Variants in ASPRV1 observed in about 807,000 individuals in gnomAD.
ASPRV1 encodes the protein aspartic peptidase retroviral like 1, also known as retroviral-like aspartic protease 1.
ASPRV1 carries 7 observed loss-of-function variants against 11.0 expected under a neutral mutation model. The ratio of observed to expected loss-of-function variants is 0.64; its 90% confidence interval spans 0.36 to 1.20. The LOEUF is 1.20. Ranked by LOEUF, ASPRV1 falls within the 50% of genes most tolerant of loss-of-function variation. The probability of loss-of-function intolerance (pLI) is 0.02; values close to 1 mark genes in which losing one functional copy is unlikely to be tolerated. For synonymous variants in ASPRV1, 136 were observed against 138.4 expected (o/e 0.98, Z 0.12); for missense variants, 299 against 320.0 (o/e 0.93, Z 0.50).
At chr2:70,007,212 T>C in the ASPRV1 span, among the ~76,000 whole-genome samples, 1 of 152,190 alleles carries the variant, frequency 6.6e-6, no homozygotes, top group Admixed American at 6.5e-5. Flanking sequence ...TTGAAAGAAA[T>C]GAAGTAGAAC....
chr2:70,084,396 C>A, the ASPRV1 span, among the ~76,000 whole-genome samples: 12 of 152,174 alleles, frequency 7.9e-5, no homozygotes, highest in Non-Finnish European at 1.3e-4. Flanking sequence ...TCTGCAGAGA[C>A]CACATCCAGT....
At chr2:70,019,874 G>A in the ASPRV1 span, among the ~76,000 whole-genome samples, 138 of 152,174 alleles carry the variant, frequency 9.1e-4, no homozygotes, top group African/African-American at 3.2e-3. Context: ...ACAATATATT[G>A]TATATTTGAA....
the ASPRV1 span, among the ~76,000 whole-genome samples, chr2:70,036,138 C>A: frequency 6.6e-6 from 1 of 151,858 alleles, no homozygotes; most frequent in African/African-American, 2.4e-5. Flanking sequence ...GCAGACAGAG[C>A]AAAAGCTGCA....
chr2:70,060,882 G>C, the ASPRV1 span, among the ~76,000 whole-genome samples: 1 of 152,148 alleles, frequency 6.6e-6, no homozygotes, highest in Non-Finnish European at 1.5e-5. Context: ...ATAAAAATGT[G>C]GATTAGTCAA....
chr2:70,022,360 CTT>C, the ASPRV1 span, among the ~76,000 whole-genome samples: 81 of 89,104 alleles, frequency 9.1e-4, no homozygotes, highest in African/African-American at 4.9e-3. Flanking sequence ...CACACACACA[CTT>C]ACACACACAC....
At chr2:70,059,256 CTTTTTTTTTTT>C in the ASPRV1 span, among the ~76,000 whole-genome samples, 3 of 112,226 alleles carry the variant, frequency 2.7e-5, no homozygotes, top group African/African-American at 9.5e-5. Context: ...GATTGGTTTT[CTTTTTTTTTTT>C]TTTTTTATGG....
upstream of ASPRV1, chr2:69,963,256 A>G: frequency 2.2e-6 from 1 of 456,188 alleles, no homozygotes; most frequent in Non-Finnish European, 4.4e-6. Flanking sequence ...AGGAGCCCAG[A>G]GGAGGGGAAA....
chr2:69,964,114 G>A (rs960193778), upstream of ASPRV1: 19 of 223,444 alleles, frequency 8.5e-5, no homozygotes, highest in Middle Eastern at 1.8e-3. Flanking sequence ...TGGTCACACT[G>A]ACTCTCTAGG....
the ASPRV1 span, among the ~76,000 whole-genome samples, chr2:70,008,355 G>A: frequency 6.6e-6 from 1 of 152,146 alleles, no homozygotes; most frequent in Admixed American, 6.5e-5. Flanking sequence ...ATTGATTATG[G>A]TAAGCTTCAA....
the ASPRV1 span, among the ~76,000 whole-genome samples, chr2:70,058,081 C>A: frequency 2.6e-5 from 4 of 152,222 alleles, no homozygotes; most frequent in African/African-American, 4.8e-5. Context: ...ACACGCATGG[C>A]CAAGCTCATT....
chr2:69,940,519 G>A, the ASPRV1 span: 4 of 152,578 alleles, frequency 2.6e-5, no homozygotes, highest in Non-Finnish European at 5.9e-5. Flanking sequence ...TTAGAAATAA[G>A]GCATCCAAGA....
chr2:70,064,403 G>A, the ASPRV1 span, among the ~76,000 whole-genome samples: 1 of 152,014 alleles, frequency 6.6e-6, no homozygotes. Flanking sequence ...GTCTAGTGAA[G>A]GACACAGACA....
chr2:69,953,502 G>A, the ASPRV1 span, among the ~76,000 whole-genome samples: 1 of 152,210 alleles, frequency 6.6e-6, no homozygotes, highest in Admixed American at 6.5e-5. Context: ...GGGACGCTGG[G>A]CATTTCCATG....
At chr2:70,084,522 A>G in the ASPRV1 span, among the ~76,000 whole-genome samples, 1 of 152,216 alleles carries the variant, frequency 6.6e-6, no homozygotes, top group African/African-American at 2.4e-5. Context: ...TACCTCTGTA[A>G]AACTGACCTA....
chr2:70,066,241 T>A, the ASPRV1 span, among the ~76,000 whole-genome samples: 2 of 151,482 alleles, frequency 1.3e-5, no homozygotes, highest in Non-Finnish European at 2.9e-5. Flanking sequence ...ATCACTAACA[T>A]CATTTTTTTT....
At chr2:70,040,468 G>A in the ASPRV1 span, among the ~76,000 whole-genome samples, 1 of 152,136 alleles carries the variant, frequency 6.6e-6, no homozygotes, top group Non-Finnish European at 1.5e-5. Context: ...TCAGCTCACT[G>A]CAACCTGAGA....
the ASPRV1 span, among the ~76,000 whole-genome samples, chr2:70,068,844 T>C: frequency 6.3e-4 from 91 of 145,544 alleles, 2 homozygotes; most frequent in South Asian, 0.013. Flanking sequence ...ACTCAGGAGG[T>C]TGAGGCAGGA....
At chr2:70,082,827 G>A in the ASPRV1 span, among the ~76,000 whole-genome samples, 11 of 152,330 alleles carry the variant, frequency 7.2e-5, no homozygotes, top group South Asian at 1.4e-3. Flanking sequence ...CTGGGGGATA[G>A]AGGTGGCAGT....
chr2:70,077,095 C>T, the ASPRV1 span, among the ~76,000 whole-genome samples: 1 of 152,200 alleles, frequency 6.6e-6, no homozygotes, highest in African/African-American at 2.4e-5. Flanking sequence ...TCCTACTACA[C>T]TGGCTCTACT....
Sources: gnomAD v4.1 joint callset for allele counts (sites outside exome capture counted in the v4.1 genomes callset) on GRCh38, gnomAD v4.1.1 for gene constraint, MANE v1.5 for transcripts, NCBI Gene and HGNC (gene_info 2026-07-23, HGNC 2026-07-21) for gene names.